Variants in NSMCE2 observed in about 807,000 individuals in gnomAD.
The protein encoded by NSMCE2 is E3 SUMO-protein ligase NSE2.
In NSMCE2, 24 loss-of-function variants were observed where a neutral mutation model predicts 23.8. The ratio of observed to expected loss-of-function variants is 1.01; its 90% CI spans 0.73 to 1.42. NSMCE2 has a LOEUF of 1.42. Among genes scored for constraint, NSMCE2 ranks in the 40% most tolerant of loss-of-function variants. NSMCE2 has a pLI of 0.00. For missense variants in NSMCE2, 284 were observed against 296.5 expected (o/e 0.96, Z 0.31); for synonymous variants, 92 against 94.1 (o/e 0.98, Z 0.13).
intron 5 of NSMCE2, among the ~76,000 whole-genome samples, chr8:125,279,632 T>C (rs923976595): frequency 6.6e-6 from 1 of 152,228 alleles, no homozygotes; most frequent in African/African-American, 2.4e-5. Context: ...GAAAGGTTGC[T>C]ACTTTGATTT....
At chr8:125,257,397 C>G (rs1473020357) in intron 5 of NSMCE2, among the ~76,000 whole-genome samples, 1 of 151,526 alleles carries the variant, frequency 6.6e-6, no homozygotes, top group African/African-American at 2.4e-5. Flanking sequence ...ATCTCAGAAA[C>G]CAAAGTCAGA....
chr8:125,354,034 C>G (rs1813151101), intron 5 of NSMCE2, among the ~76,000 whole-genome samples: 1 of 151,180 alleles, frequency 6.6e-6, no homozygotes, highest in Admixed American at 6.6e-5. Flanking sequence ...CAGGTTCAAG[C>G]AATTCTCCTG....
At chr8:125,301,573 G>A (rs928212207) in intron 5 of NSMCE2, among the ~76,000 whole-genome samples, 5 of 152,124 alleles carry the variant, frequency 3.3e-5, no homozygotes, top group African/African-American at 1.2e-4. Flanking sequence ...CCTTCAGAAG[G>A]GGACCCAGGC....
chr8:125,105,410 A>G (rs914449674), intron 3 of NSMCE2, among the ~76,000 whole-genome samples: 1 of 152,172 alleles, frequency 6.6e-6, no homozygotes, highest in Non-Finnish European at 1.5e-5. Flanking sequence ...GGGAGATTGT[A>G]TCAGTTTTTT....
chr8:125,211,847 C>T (rs1164958193), intron 5 of NSMCE2, among the ~76,000 whole-genome samples: 2 of 152,218 alleles, frequency 1.3e-5, no homozygotes, highest in African/African-American at 4.8e-5. Context: ...TGTCCCACCT[C>T]CCTTCATTAC....
intron 5 of NSMCE2, among the ~76,000 whole-genome samples, chr8:125,273,400 G>A (rs1017145807): frequency 6.6e-5 from 10 of 152,232 alleles, no homozygotes; most frequent in African/African-American, 2.4e-4. Flanking sequence ...ATGGAAAACA[G>A]TGTGCGGTAA....
At chr8:125,141,769 C>T (rs2130626251) in intron 3 of NSMCE2, among the ~76,000 whole-genome samples, 1 of 152,308 alleles carries the variant, frequency 6.6e-6, no homozygotes, top group East Asian at 1.9e-4. Flanking sequence ...TGAACACTTA[C>T]TCATCCTTCA....
chr8:125,311,202 A>G (rs1828960854), intron 5 of NSMCE2, among the ~76,000 whole-genome samples: 2 of 152,180 alleles, frequency 1.3e-5, no homozygotes, highest in African/African-American at 4.8e-5. Flanking sequence ...AGAAGCATGT[A>G]TTTCCTTTCT....
intron 5 of NSMCE2, among the ~76,000 whole-genome samples, chr8:125,278,841 G>A (rs969824842): frequency 6.6e-6 from 1 of 151,862 alleles, no homozygotes; most frequent in African/African-American, 2.4e-5. Flanking sequence ...ATATGCCCTT[G>A]CTGCTGAAAT....
intron 5 of NSMCE2, among the ~76,000 whole-genome samples, chr8:125,240,969 G>A (rs1825744665): frequency 6.6e-6 from 1 of 152,110 alleles, no homozygotes; most frequent in Admixed American, 6.5e-5. Flanking sequence ...CAGCTTCCAT[G>A]GTCACTGGTG....
intron 3 of NSMCE2, among the ~76,000 whole-genome samples, chr8:125,143,064 TTAG>T (rs942384987): frequency 1.3e-5 from 2 of 151,852 alleles, no homozygotes; most frequent in African/African-American, 4.8e-5. Context: ...TTACTTAACA[TTAG>T]GCTCCCAGGA....
At chr8:125,122,456 C>T (rs1819315226) in intron 3 of NSMCE2, among the ~76,000 whole-genome samples, 11 of 152,148 alleles carry the variant, frequency 7.2e-5, no homozygotes, top group Admixed American at 7.2e-4. Context: ...CTGGCTATAT[C>T]CCCTTATACT....
At chr8:125,358,501 T>C (rs1813384444) in intron 7 of NSMCE2, among the ~76,000 whole-genome samples, 4 of 151,200 alleles carry the variant, frequency 2.6e-5, no homozygotes, top group Non-Finnish European at 1.5e-5. Context: ...ATATATAATA[T>C]ACACACACAC....
At chr8:125,130,264 T>G (rs1434494446) in intron 3 of NSMCE2, 2 of 455,966 alleles carry the variant, frequency 4.4e-6, no homozygotes, top group Non-Finnish European at 8.8e-6. Flanking sequence ...TCACGTCATA[T>G]CAAAGCTAGT....
intron 7 of NSMCE2, among the ~76,000 whole-genome samples, chr8:125,360,697 T>C (rs1039202054): frequency 2.0e-5 from 3 of 152,182 alleles, no homozygotes; most frequent in Admixed American, 6.5e-5. Flanking sequence ...TGAAACCAAC[T>C]CCAGAAGTTT....
intron 5 of NSMCE2, among the ~76,000 whole-genome samples, chr8:125,316,947 T>G (rs1182144418): frequency 1.3e-5 from 2 of 151,430 alleles, no homozygotes; most frequent in Non-Finnish European, 2.9e-5. Context: ...CCCAGCTGAT[T>G]TTTGGTTTTT....
At chr8:125,170,376 CTTTTTTTTTTTTTTTTTTTTTTT>C (rs565593006) in intron 4 of NSMCE2, among the ~76,000 whole-genome samples, 34 of 37,866 alleles carry the variant, frequency 9.0e-4, no homozygotes, top group African/African-American at 2.6e-3. Context: ...CTCTTTATTT[CTTTTTTTTTTTTTTTTTTTTTTT>C]TTTTTTTTTT....
intron 3 of NSMCE2, among the ~76,000 whole-genome samples, chr8:125,138,168 TATA>T (rs1170238108): frequency 6.6e-6 from 1 of 152,210 alleles, no homozygotes; most frequent in Non-Finnish European, 1.5e-5. Context: ...GCAGTACTAA[TATA>T]GGAAGGGAGA....
rs753062537 is a variant in NSMCE2, at chr8:125,102,392, A to T, written c.62A>T (p.Glu21Val). 3.7e-6 allele frequency: 6 copies of T among 1,613,420 alleles called. No individual in the cohort carries two copies. The East Asian group carries it at 1.3e-4, about 36-fold the overall frequency. The change falls in exon 3 of 8, where the codon GAG becomes GTG. Residue 21 changes from glutamate (E) to valine (V), a missense_variant. Physicochemically the swap from Glu to Val is moderately radical, Grantham distance 121. Coordinates refer to ENST00000287437, the MANE Select transcript of NSMCE2 (RefSeq NM_173685.4). The part of the protein sequence containing the change: ...STGFISFSGV[E>V]SALSSLKNFQ... ...GGTTTCATCTCCTTCAGTGGTGTAG[A>T]GTCTGCTCTCTCCTCCTTGAAAAAC...
Sources: allele counts gnomAD v4.1 joint callset (sites outside exome capture counted in the v4.1 genomes callset), GRCh38; gene constraint gnomAD v4.1.1; transcripts MANE v1.5; gene names NCBI Gene and HGNC (gene_info 2026-07-23, HGNC 2026-07-21).